Variants in STX1A observed in about 807,000 individuals in gnomAD.
STX1A encodes syntaxin-1A.
STX1A carries 4 observed loss-of-function variants against 37.8 expected under a neutral mutation model. The observed-to-expected ratio is 0.11, with a 90% confidence interval of 0.05 to 0.24. STX1A has a LOEUF of 0.24. STX1A is among the 10% of genes least tolerant of loss of function. STX1A has a pLI of 1.00. For missense variants in STX1A, 251 were observed against 399.9 expected (o/e 0.63, Z 3.18); for synonymous variants, 135 against 147.4 (o/e 0.92, Z 0.61).
intron 7 of STX1A, 83 bp downstream of exon 7, chr7:73,703,672 C>CGG: frequency 6.7e-7 from 1 of 1,484,962 alleles, no homozygotes; most frequent in Non-Finnish European, 9.3e-7. Context: ...TGTCCAAATA[C>CGG]TGTCCAGACC....
At position 73,705,773 on chromosome 7, in the gene STX1A, G is replaced by T. The variant is rs1326150716; in HGVS notation, c.209-549C>A. 6.4e-6 allele frequency: 1 copy of T among 155,786 alleles called. No homozygotes were observed. Among genetic ancestry groups the T allele is most frequent in the Non-Finnish European group, 1.4e-5 (1 of 70,536 alleles). 9.7% of individuals were successfully genotyped at this position (155,786 alleles called of 1,614,324 possible). A position where few individuals can be genotyped will look rare whatever the true frequency, so the allele number is the denominator to read the frequency against. On this transcript the variant is annotated intron_variant, in intron 3 of 9. Transcript: ENST00000222812. The surrounding 1 kb of genome is among the most constrained non-coding windows in gnomAD (Gnocchi z 5.2). ...CCTGGGTGCTAAGTACCTGGCGGGC[G>T]GAAGAGGGCAAGGGGTGGATGGCCT... is the stretch of plus-strand genomic sequence containing the variant.
chr7:73,719,357 A>G (rs1452380591), intron 1 of STX1A, among the ~76,000 whole-genome samples: 1 of 151,876 alleles, frequency 6.6e-6, no homozygotes, highest in East Asian at 1.9e-4. Context: ...TTTATCCAGG[A>G]CCCCGGACTC....
chr7:73,710,414 C>T lies in STX1A; in HGVS notation c.31-1292G>A, dbSNP rs549376503. Among the ~76,000 whole-genome samples, 8 of 152,248 alleles carry T rather than the reference C, an allele frequency of 5.3e-5. 1 individual carries two copies. In the South Asian group the frequency reaches 1.7e-3, roughly 32 times the overall value. On this transcript the variant is annotated intron_variant, in intron 1 of 9. Transcript: ENST00000222812. ...TCAGCCTGGGGCTCAGGGCTTGTTC[C>T]CACCTCTTTTATTTTTATTTTTTTA...
In STX1A at chr7:73,704,296, G is replaced by T. The variant is rs781959209; in HGVS notation, c.358-40C>A. 4 of 1,613,428 alleles carry T rather than the reference G, an allele frequency of 2.5e-6. No individual in the cohort carries two copies. The African/African-American group carries it at 5.3e-5, about 22-fold the overall frequency. On this transcript the variant is annotated intron_variant, in intron 5 of 9. Transcript: ENST00000222812. ...TGGAGGTGCAGGGGTCAGGCCCTGC[G>T]GGGACCGACCCAGAGACTCAGGTGC... is the stretch of plus-strand genomic sequence containing the variant.
rs573384729 is a variant in STX1A at position 73,708,772 on chromosome 7, C to G, written c.109-84G>C. 23 of 1,437,296 alleles carry G rather than the reference C, an allele frequency of 1.6e-5. No individual in the cohort carries two copies. In the South Asian group the frequency reaches 2.8e-4, roughly 17 times the overall value. 89.0% of individuals were successfully genotyped at this position (1,437,296 alleles called of 1,614,324 possible). On this transcript the variant is annotated intron_variant, in intron 2 of 9. Coordinates refer to ENST00000222812, the MANE Select transcript of STX1A (RefSeq NM_004603.4). ...CCAGAGATGGCCCAGAGTAGGGCTG[C>G]GGTCAGGGCTCAGGGGGAGGACGGG...
rs1401307019 is a variant in STX1A, at chr7:73,717,222, G to A, written c.30+2380C>T. Among the ~76,000 whole-genome samples the A allele has an allele frequency of 1.3e-5, 2 of 151,642 alleles. No homozygotes were observed. Among genetic ancestry groups the A allele is most frequent in the African/African-American group, 4.8e-5 (2 of 41,284 alleles). Reference sequence around the variant, plus strand: ...AAGAGGGAGGAGGAGGAGGAAGAGGGAGGGAGGGAGGGCTGGGAGCGGTGC... The same window carrying A: ...AAGAGGGAGGAGGAGGAGGAAGAGGAAGGGAGGGAGGGCTGGGAGCGGTGC... On this transcript the variant is annotated intron_variant, in intron 1 of 9. Transcript: ENST00000222812. This position sits in a 1 kb window ranked among gnomAD's most constrained non-coding sequence, Gnocchi z 4.1.
intron 6 of STX1A, 32 bp downstream of exon 6, chr7:73,704,116 A>C: frequency 6.5e-6 from 10 of 1,544,206 alleles, no homozygotes; most frequent in East Asian, 2.3e-5. Flanking sequence ...TCCAGGCTCC[A>C]GGCCCCGCCC....
rs555592607 is a variant in STX1A at position 73,717,046 on chromosome 7, A to AGCTGGAGAAG, written c.30+2546_30+2555dup. ...CCCCATCTGCAGAGGGAGAGTTGGG[A>AGCTGGAGAAG]GCTGGAGAAGGCTGGAGAAGGCTGG... is the stretch of plus-strand genomic sequence containing the variant. On this transcript the variant is annotated intron_variant, in intron 1 of 9. Transcript: ENST00000222812. The surrounding 1 kb of genome is among the most constrained non-coding windows in gnomAD (Gnocchi z 4.1). Among the ~76,000 whole-genome samples, 2 of 152,076 alleles carry AGCTGGAGAAG rather than the reference A, an allele frequency of 1.3e-5. No homozygotes were observed. The highest frequency in any genetic ancestry group is 6.6e-5 in the Admixed American group (1 of 15,266).
Position 73,705,116 on chromosome 7 carries a change from G to GCCCC in STX1A, c.283+30_283+33dup. ...TCCGCAGAGGAAGCAGGCCTAGAAT[G>GCCCC]CCCCCCACCCACCCCCAGACAAGCC... On this transcript the variant is annotated intron_variant, in intron 4 of 9. Transcript: ENST00000222812. The surrounding 1 kb of genome is among the most constrained non-coding windows in gnomAD (Gnocchi z 5.2). The GCCCC allele has an allele frequency of 1.9e-6, 3 of 1,599,794 alleles. No homozygotes were observed. Among genetic ancestry groups the GCCCC allele is most frequent in the Non-Finnish European group, 2.6e-6 (3 of 1,167,030 alleles).
In STX1A at chr7:73,705,420, C is replaced by G. The variant is rs1258640665; in HGVS notation, c.209-196G>C. On this transcript the variant is annotated intron_variant, in intron 3 of 9. Transcript: ENST00000222812. This position sits in a 1 kb window ranked among gnomAD's most constrained non-coding sequence, Gnocchi z 5.2. ...CAGGGCTGCACCAGCTGCAGCTTCACCCCCTCTTGTGCTGTCTTCGGAGGA... is the reference window on the plus strand; with the variant it reads ...CAGGGCTGCACCAGCTGCAGCTTCAGCCCCTCTTGTGCTGTCTTCGGAGGA... 2 of 586,558 alleles carry G rather than the reference C, an allele frequency of 3.4e-6. No homozygotes were observed. The highest frequency in any genetic ancestry group is 6.1e-6 in the Non-Finnish European group (2 of 329,116). 36.3% of individuals were successfully genotyped at this position (586,558 alleles called of 1,614,324 possible).
intron 3 of STX1A, among the ~76,000 whole-genome samples, chr7:73,707,947 AAG>A (rs1798937274): frequency 6.7e-6 from 1 of 149,216 alleles, no homozygotes; most frequent in African/African-American, 2.5e-5. Flanking sequence ...AAAAAAAAAA[AAG>A]AAAAAAGAAA....
At chr7:73,708,996 C>T in intron 2 of STX1A, 49 bp downstream of exon 2, 3 of 1,603,546 alleles carry the variant, frequency 1.9e-6, no homozygotes, top group Non-Finnish European at 1.7e-6. Flanking sequence ...GAGAGTGGCC[C>T]CCCAAGTTCT....
In STX1A at chr7:73,700,147, G is replaced by C. The variant is rs1798592480; in HGVS notation, c.*260C>G. 3.6e-6 allele frequency: 2 copies of C among 557,580 alleles called. No individual in the cohort carries two copies. Among genetic ancestry groups the C allele is most frequent in the African/African-American group, 3.8e-5 (2 of 53,002 alleles). The allele number at this position is 557,580 out of a possible 1,614,324, so 34.5% of individuals were successfully genotyped here. A position where few individuals can be genotyped will look rare whatever the true frequency, so the allele number is the denominator to read the frequency against. ...CACCCTGGCGGCCCTGCCTGGGTCT[G>C]CTCCTCGCTGTGCACACTGCATCAC... is the stretch of plus-strand genomic sequence containing the variant. On this transcript the variant is annotated 3_prime_UTR_variant, in exon 10 of 10. Coordinates refer to ENST00000222812, the MANE Select transcript of STX1A (RefSeq NM_004603.4). This position sits in a 1 kb window ranked among gnomAD's most constrained non-coding sequence, Gnocchi z 4.4.
At chr7:73,704,730 G>A (rs559472738) in intron 4 of STX1A, 5 of 527,972 alleles carry the variant, frequency 9.5e-6, no homozygotes, top group East Asian at 3.3e-5. Context: ...GGCTGTGTAC[G>A]AGGGACCATG....
rs1554616091 is a variant in STX1A, at chr7:73,702,795, C to A, written c.678+50G>T. Reference sequence around the variant, plus strand: ...CAGAAAGGGCGAGGTTAGTGCAGCCCTGGGTGCTGGTGTGGGCTGGAGTGG... The same window carrying A: ...CAGAAAGGGCGAGGTTAGTGCAGCCATGGGTGCTGGTGTGGGCTGGAGTGG... On this transcript the variant is annotated intron_variant, in intron 8 of 9. Coordinates refer to ENST00000222812, the MANE Select transcript of STX1A (RefSeq NM_004603.4). This position sits in a 1 kb window ranked among gnomAD's most constrained non-coding sequence, Gnocchi z 4.7. 1 of 1,613,366 alleles carries A rather than the reference C, an allele frequency of 6.2e-7. No homozygotes were observed. The highest frequency in any genetic ancestry group is 8.5e-7 in the Non-Finnish European group (1 of 1,179,650).
chr7:73,707,514 C>T (rs1380369527), intron 3 of STX1A, among the ~76,000 whole-genome samples: 2 of 152,218 alleles, frequency 1.3e-5, no homozygotes, highest in Non-Finnish European at 2.9e-5. Context: ...CGGGGCTGGA[C>T]CGAGAGGCCT....
In STX1A at chr7:73,705,598, G is replaced by A; in HGVS notation, c.209-374C>T. ...TTGCTGGAGTTGAAGGGGTGGGGGGGCGGTGTGGGCTCACCTGGTGTTACC... is the reference window on the plus strand; with the variant it reads ...TTGCTGGAGTTGAAGGGGTGGGGGGACGGTGTGGGCTCACCTGGTGTTACC... On this transcript the variant is annotated intron_variant, in intron 3 of 9. Transcript: ENST00000222812. The surrounding 1 kb of genome is among the most constrained non-coding windows in gnomAD (Gnocchi z 5.2). 1 of 273,036 alleles carries A rather than the reference G, an allele frequency of 3.7e-6. No individual in the cohort carries two copies. Among genetic ancestry groups the A allele is most frequent in the Non-Finnish European group, 7.2e-6 (1 of 138,672 alleles). The allele number at this position is 273,036 out of a possible 1,614,324, so 16.9% of individuals were successfully genotyped here.
At chr7:73,710,371 G>C (rs1389959850) in intron 1 of STX1A, among the ~76,000 whole-genome samples, 4 of 152,260 alleles carry the variant, frequency 2.6e-5, no homozygotes, top group Non-Finnish European at 5.9e-5. Context: ...GCCACCCTGG[G>C]GCAGGGACTG....
At chr7:73,707,608 C>G (rs1172956923) in intron 3 of STX1A, among the ~76,000 whole-genome samples, 1 of 152,158 alleles carries the variant, frequency 6.6e-6, no homozygotes, top group Non-Finnish European at 1.5e-5. Flanking sequence ...GCCCAGTTGC[C>G]TTAGAAAAAA....
Sources: gnomAD v4.1 joint callset for allele counts (sites outside exome capture counted in the v4.1 genomes callset) on GRCh38, gnomAD v4.1.1 for gene constraint, Gnocchi (gnomAD v3.1) non-coding constraint, MANE v1.5 for transcripts, NCBI Gene and HGNC (gene_info 2026-07-23, HGNC 2026-07-21) for gene names.